The following MAGI2 variants were observed in gnomAD, a reference collection of about 807,000 sequenced individuals.
The protein encoded by MAGI2 is membrane-associated guanylate kinase, WW and PDZ domain-containing protein 2.
A neutral mutation model predicts 133.3 loss-of-function variants in MAGI2; 35 were observed. That is an observed-to-expected ratio of 0.26 (90% CI 0.20 to 0.35). MAGI2 has a LOEUF of 0.35. Among genes scored for constraint, MAGI2 ranks in the 10% least tolerant of loss-of-function variants. The pLI is 1.00. For missense variants in MAGI2, 1,636 were observed against 1,863.4 expected (o/e 0.88, Z 2.25); for synonymous variants, 729 against 710.6 (o/e 1.03, Z -0.41).
chr7:78,420,188 G>T (rs536142505), intron 6 of MAGI2, among the ~76,000 whole-genome samples: 1 of 152,242 alleles, frequency 6.6e-6, no homozygotes, highest in South Asian at 2.1e-4. Context: ...CAGAACAACA[G>T]CAACTAGAAT....
At chr7:79,013,784 T>A (rs1338976337) in intron 1 of MAGI2, among the ~76,000 whole-genome samples, 1 of 152,120 alleles carries the variant, frequency 6.6e-6, no homozygotes, top group Non-Finnish European at 1.5e-5. Flanking sequence ...GACTAGACAG[T>A]CTATAAATTA....
chr7:78,407,494 G>A (rs554545014), intron 6 of MAGI2, among the ~76,000 whole-genome samples: 1 of 151,900 alleles, frequency 6.6e-6, no homozygotes, highest in South Asian at 2.1e-4. Context: ...CAATATTACA[G>A]AATCCCCCTC....
intron 2 of MAGI2, among the ~76,000 whole-genome samples, chr7:78,888,002 G>A (rs1796407169): frequency 6.6e-6 from 1 of 152,154 alleles, no homozygotes; most frequent in South Asian, 2.1e-4. Flanking sequence ...GTGACAGATG[G>A]CACCTGGAAA....
intron 21 of MAGI2, among the ~76,000 whole-genome samples, chr7:78,031,565 G>A (rs925759761): frequency 3.3e-5 from 5 of 152,134 alleles, no homozygotes; most frequent in African/African-American, 9.7e-5. Context: ...TTCTGAGTTC[G>A]TAGAGTTAGA....
At chr7:78,293,026 G>A (rs867299439) in intron 9 of MAGI2, among the ~76,000 whole-genome samples, 17 of 152,194 alleles carry the variant, frequency 1.1e-4, no homozygotes, top group East Asian at 7.7e-4. Flanking sequence ...AGGCATGGGC[G>A]AAGACTTTAT....
intron 2 of MAGI2, among the ~76,000 whole-genome samples, chr7:78,781,214 T>C (rs893571046): frequency 2.1e-4 from 32 of 151,102 alleles, no homozygotes; most frequent in African/African-American, 7.8e-4. Context: ...CCGTCTTTAC[T>C]AAAAAATACA....
intron 2 of MAGI2, among the ~76,000 whole-genome samples, chr7:78,871,102 A>G (rs1489525845): frequency 1.3e-5 from 2 of 152,116 alleles, no homozygotes; most frequent in Non-Finnish European, 2.9e-5. Flanking sequence ...TGAGGTCAGG[A>G]GATCGAGATC....
At chr7:78,968,328 G>A (rs1433871857) in intron 2 of MAGI2, among the ~76,000 whole-genome samples, 3 of 151,844 alleles carry the variant, frequency 2.0e-5, no homozygotes, top group African/African-American at 7.3e-5. Context: ...TAAATCTGTA[G>A]ATCACTTTGG....
intron 17 of MAGI2, among the ~76,000 whole-genome samples, chr7:78,133,851 T>TC (rs1275049241): frequency 2.0e-5 from 3 of 152,170 alleles, no homozygotes; most frequent in Admixed American, 2.0e-4. Context: ...TCTCTCTCTC[T>TC]TTTTTTGATT....
chr7:78,842,630 A>T (rs1366272539), intron 2 of MAGI2, among the ~76,000 whole-genome samples: 1 of 151,992 alleles, frequency 6.6e-6, no homozygotes, highest in Non-Finnish European at 1.5e-5. Flanking sequence ...TATAATTTAC[A>T]TATAAAATCT....
intron 1 of MAGI2, among the ~76,000 whole-genome samples, chr7:79,140,384 G>A (rs1431141934): frequency 1.3e-5 from 2 of 152,114 alleles, no homozygotes; most frequent in Non-Finnish European, 2.9e-5. Flanking sequence ...CTCCTCAAAA[G>A]AATATGAATT....
rs182390017 is a variant in MAGI2 at position 78,498,435 on chromosome 7, A to G, written c.965+3142T>C. 9.8e-5 allele frequency among the ~76,000 whole-genome samples: 15 copies of G among 152,336 alleles called. No homozygotes were observed. In the East Asian group the frequency reaches 2.9e-3, roughly 29 times the overall value. ...CATAAGAATTCTTTGTCATAGAAGC[A>G]AAGGTTCTCACAGATCAATGACAAT... is the stretch of plus-strand genomic sequence containing the variant. On this transcript the variant is annotated intron_variant, in intron 5 of 21. Coordinates refer to ENST00000354212, the MANE Select transcript of MAGI2 (RefSeq NM_012301.4).
rs542024159 is a variant in MAGI2, at chr7:78,583,897, G to C, written c.538+43223C>G. The stretch of plus-strand genomic sequence containing the variant: ...AGTCCTTATAATGGAGAATTCAGGG[G>C]AAGCCAAATGGAGACAATTTCACCT... On this transcript the variant is annotated intron_variant, in intron 3 of 21. Coordinates refer to ENST00000354212, the MANE Select transcript of MAGI2 (RefSeq NM_012301.4). Among the ~76,000 whole-genome samples, 12 of 152,274 alleles carry C rather than the reference G, an allele frequency of 7.9e-5. No homozygotes were observed. The South Asian group carries it at 2.5e-3, about 32-fold the overall frequency.
At chr7:78,502,897 G>A (rs1452088926) in intron 4 of MAGI2, among the ~76,000 whole-genome samples, 1 of 152,138 alleles carries the variant, frequency 6.6e-6, no homozygotes, top group East Asian at 1.9e-4. Context: ...ATTTATCTAA[G>A]ATGAAGAAAC....
intron 2 of MAGI2, among the ~76,000 whole-genome samples, chr7:78,884,460 G>A (rs1030852437): frequency 5.3e-5 from 8 of 152,148 alleles, no homozygotes; most frequent in Non-Finnish European, 1.2e-4. Context: ...CTGGGTAACA[G>A]AGCAAGACCC....
At chr7:78,929,558 T>C in intron 2 of MAGI2, among the ~76,000 whole-genome samples, 1 of 152,026 alleles carries the variant, frequency 6.6e-6, no homozygotes, top group Non-Finnish European at 1.5e-5. Context: ...TTCCAGCTTC[T>C]AGTGGCTGCC....
intron 20 of MAGI2, among the ~76,000 whole-genome samples, chr7:78,114,104 G>C (rs1198460138): frequency 6.6e-6 from 1 of 152,188 alleles, no homozygotes; most frequent in Non-Finnish European, 1.5e-5. Flanking sequence ...ATTTGAATAT[G>C]TCTGTCAGGC....
intron 6 of MAGI2, among the ~76,000 whole-genome samples, chr7:78,406,838 T>C (rs1205797142): frequency 1.3e-5 from 2 of 152,240 alleles, no homozygotes; most frequent in Non-Finnish European, 2.9e-5. Flanking sequence ...GGATGTTCAA[T>C]GTCTATTGAC....
Position 79,330,180 on chromosome 7 carries a change from CTTTTTTTT to C in MAGI2, c.301+122832_301+122839del, listed in dbSNP as rs544172383. 1.4e-4 allele frequency among the ~76,000 whole-genome samples: 8 copies of C among 59,122 alleles called. 1 individual carries two copies. The highest frequency in any genetic ancestry group is 6.0e-4 in the East Asian group (1 of 1,678). 38.8% of individuals were successfully genotyped at this position (59,122 alleles called of 152,430 possible). A position where few individuals can be genotyped will look rare whatever the true frequency, so the allele number is the denominator to read the frequency against. Reference sequence around the variant, plus strand: ...CACATCAGTAACAAACAATCTGCATCTTTTTTTTTTTTTTTTTTTTTTTTTTTTTTTTA... The same window carrying C: ...CACATCAGTAACAAACAATCTGCATCTTTTTTTTTTTTTTTTTTTTTTTTA... On this transcript the variant is annotated intron_variant, in intron 1 of 21. Transcript: ENST00000354212.
Sources: gnomAD v4.1 joint callset for allele counts (sites outside exome capture counted in the v4.1 genomes callset) on GRCh38, gnomAD v4.1.1 for gene constraint, MANE v1.5 for transcripts, NCBI Gene and HGNC (gene_info 2026-07-23, HGNC 2026-07-21) for gene names.